The following DLC1 variants were observed in gnomAD, a reference collection of about 807,000 sequenced individuals.
DLC1 encodes rho GTPase-activating protein 7.
DLC1 carries 54 observed loss-of-function variants against 140.3 expected under a neutral mutation model. The ratio of observed to expected loss-of-function variants is 0.38; its 90% CI spans 0.31 to 0.48. The LOEUF (loss-of-function observed/expected upper bound fraction) is 0.48. Among genes scored for constraint, DLC1 ranks in the 20% least tolerant of loss-of-function variants. The pLI, the probability that DLC1 is intolerant of heterozygous loss-of-function variation, is 0.96. For synonymous variants in DLC1, 986 were observed against 728.1 expected (o/e 1.35, Z -5.70); for missense variants, 2,536 against 1,907.0 (o/e 1.33, Z -6.14).
chr8:13,360,679 T>A (rs1365326498), intron 4 of DLC1, among the ~76,000 whole-genome samples: 2 of 151,976 alleles, frequency 1.3e-5, no homozygotes, highest in African/African-American at 4.8e-5. Context: ...GATTTTTTTT[T>A]CTTTTATAAA....
intron 2 of DLC1, among the ~76,000 whole-genome samples, chr8:13,442,080 C>T (rs1484104509): frequency 1.3e-5 from 2 of 152,156 alleles, no homozygotes; most frequent in African/African-American, 2.4e-5. Flanking sequence ...CTTTGACAAA[C>T]CTGAGAAAAA....
intron 15 of DLC1, 35 bp downstream of exon 15, chr8:13,090,217 G>A (rs751167390): frequency 6.3e-7 from 1 of 1,593,410 alleles, no homozygotes; most frequent in Admixed American, 1.7e-5. Flanking sequence ...TTCGACTCCT[G>A]GACTCAACTA....
chr8:13,405,139 CAT>C (rs1449197170), intron 2 of DLC1, among the ~76,000 whole-genome samples: 5 of 151,650 alleles, frequency 3.3e-5, no homozygotes, highest in South Asian at 2.1e-4. Context: ...TTATAATTAA[CAT>C]ATTTTTTATT....
chr8:13,555,136 A>G (rs866998704), intron 1 of DLC1, among the ~76,000 whole-genome samples: 3 of 152,218 alleles, frequency 2.0e-5, no homozygotes, highest in Admixed American at 6.5e-5. Flanking sequence ...GTTTAAATGT[A>G]AACTCTTCAG....
At chr8:13,203,076 C>T (rs527722863) in intron 5 of DLC1, among the ~76,000 whole-genome samples, 1 of 152,260 alleles carries the variant, frequency 6.6e-6, no homozygotes, top group East Asian at 1.9e-4. Flanking sequence ...GGATTCAGTC[C>T]TATGCCTCTT....
intron 7 of DLC1, among the ~76,000 whole-genome samples, chr8:13,104,771 C>T (rs1305769626): frequency 6.6e-6 from 1 of 152,138 alleles, no homozygotes; most frequent in Middle Eastern, 3.2e-3. Flanking sequence ...AGGTGGTAGC[C>T]TGTTTATAGA....
At chr8:13,567,082 G>A (rs1200067932) in intron 1 of DLC1, 2 of 1,551,756 alleles carry the variant, frequency 1.3e-6, no homozygotes, top group Non-Finnish European at 1.7e-6. Flanking sequence ...CTCTACTGAT[G>A]AGGTACAGAC....
intron 2 of DLC1, among the ~76,000 whole-genome samples, chr8:13,405,462 G>A (rs767010433): frequency 2.1e-4 from 32 of 152,190 alleles, no homozygotes; most frequent in Non-Finnish European, 2.8e-4. Context: ...CAAATAATTC[G>A]GAAATATAAA....
At chr8:13,476,726 T>A (rs566735445) in intron 2 of DLC1, among the ~76,000 whole-genome samples, 5 of 152,354 alleles carry the variant, frequency 3.3e-5, no homozygotes, top group South Asian at 2.1e-4. Flanking sequence ...ACTTTGAATA[T>A]CTTGTTCATC....
intron 5 of DLC1, among the ~76,000 whole-genome samples, chr8:13,296,927 T>C (rs936069293): frequency 2.0e-5 from 3 of 151,858 alleles, no homozygotes; most frequent in South Asian, 2.1e-4. Context: ...TAAAATATAA[T>C]TGAGAGGAAA....
intron 4 of DLC1, among the ~76,000 whole-genome samples, chr8:13,348,472 T>C (rs1179474310): frequency 6.6e-6 from 1 of 152,086 alleles, no homozygotes; most frequent in East Asian, 1.9e-4. Context: ...ATTTGGGAAA[T>C]GTGTTGGAAG....
intron 2 of DLC1, among the ~76,000 whole-genome samples, chr8:13,454,544 A>G (rs2116993992): frequency 6.6e-6 from 1 of 152,256 alleles, no homozygotes; most frequent in South Asian, 2.1e-4. Context: ...GGAGGTATAC[A>G]AGAGTTTCTT....
At chr8:13,581,428 T>C (rs1805095677) in intron 1 of DLC1, among the ~76,000 whole-genome samples, 1 of 152,206 alleles carries the variant, frequency 6.6e-6, no homozygotes, top group African/African-American at 2.4e-5. Flanking sequence ...AGAACTAATA[T>C]CTATCCATTC....
chr8:13,397,294 C>G (rs1478870686), intron 3 of DLC1, among the ~76,000 whole-genome samples: 1 of 151,970 alleles, frequency 6.6e-6, no homozygotes, highest in Non-Finnish European at 1.5e-5. Context: ...AGTCTAGAAT[C>G]TAGATATAAG....
chr8:13,434,705 G>T (rs948688748), intron 2 of DLC1, among the ~76,000 whole-genome samples: 2 of 152,008 alleles, frequency 1.3e-5, no homozygotes, highest in Non-Finnish European at 2.9e-5. Context: ...TCGAGACAGG[G>T]TCTCACTCTG....
intron 5 of DLC1, among the ~76,000 whole-genome samples, chr8:13,199,153 T>C (rs903002582): frequency 1.3e-5 from 2 of 150,022 alleles, no homozygotes; most frequent in Non-Finnish European, 3.0e-5. Context: ...CTCTAAACAC[T>C]AGTAAATGTC....
intron 4 of DLC1, among the ~76,000 whole-genome samples, chr8:13,361,148 C>T (rs1835207816): frequency 1.3e-5 from 2 of 150,988 alleles, no homozygotes; most frequent in Middle Eastern, 3.2e-3. Context: ...AGGAGGATCA[C>T]CTGAGCCAGG....
At chr8:13,317,010 T>C (rs1832885688) in intron 4 of DLC1, among the ~76,000 whole-genome samples, 1 of 152,196 alleles carries the variant, frequency 6.6e-6, no homozygotes, top group African/African-American at 2.4e-5. Flanking sequence ...TGGAGAGTTA[T>C]GTGAGACATG....
intron 1 of DLC1, among the ~76,000 whole-genome samples, chr8:13,546,060 A>G (rs1803639451): frequency 6.6e-6 from 1 of 152,130 alleles, no homozygotes; most frequent in East Asian, 1.9e-4. Flanking sequence ...ACAATCTTTT[A>G]TGCCGTCTTG....
Sources: allele counts gnomAD v4.1 joint callset (sites outside exome capture counted in the v4.1 genomes callset), GRCh38; gene constraint gnomAD v4.1.1; transcripts MANE v1.5; gene names NCBI Gene and HGNC (gene_info 2026-07-23, HGNC 2026-07-21).